Variants in PTCH1 observed in about 807,000 individuals in gnomAD.
PTCH1 encodes protein patched homolog 1.
A neutral mutation model predicts 144.6 loss-of-function variants in PTCH1; 14 were observed. The ratio of observed to expected loss-of-function variants is 0.10; its 90% confidence interval spans 0.06 to 0.15. The LOEUF is 0.15. PTCH1 is among the 10% of genes least tolerant of loss of function. The probability of loss-of-function intolerance (pLI) is 1.00; values close to 1 mark genes in which losing one functional copy is unlikely to be tolerated. For missense variants in PTCH1, 1,623 were observed against 1,948.3 expected (o/e 0.83, Z 3.14); for synonymous variants, 833 against 793.6 (o/e 1.05, Z -0.83).
Position 95,463,536 on chromosome 9 carries a change from G to A in PTCH1, c.2561-1538C>T, listed in dbSNP as rs748782074. The stretch of plus-strand genomic sequence containing the variant: ...TAAACAGCAGAAGAAAAATTACTGC[G>A]CCTCCTTTCCCCTCAAAAAGGGAGG... On this transcript the variant is annotated intron_variant, in intron 15 of 23. Transcript: ENST00000331920. Among the ~76,000 whole-genome samples the A allele has an allele frequency of 1.8e-4, 28 of 152,202 alleles. No individual in the cohort carries two copies. In the East Asian group the frequency reaches 2.9e-3, roughly 16 times the overall value.
intron 1 of PTCH1, chr9:95,507,327 G>GGGCTCAGGCC (rs1843760020): frequency 1.0e-6 from 1 of 985,514 alleles, no homozygotes; most frequent in East Asian, 1.1e-4. Context: ...GCAAAGGGAA[G>GGGCTCAGGCC]GGCTCAGGCC....
At chr9:95,480,121 G>T (rs777140985) in intron 6 of PTCH1, 31 bp from the exon 7 acceptor site, 1 of 1,613,326 alleles carries the variant, frequency 6.2e-7, no homozygotes, top group Admixed American at 1.7e-5. Context: ...CATAATTATG[G>T]GAATTAGTAG....
At chr9:95,501,577 T>C (rs1490008393) in intron 2 of PTCH1, among the ~76,000 whole-genome samples, 1 of 152,060 alleles carries the variant, frequency 6.6e-6, no homozygotes, top group Non-Finnish European at 1.5e-5. Flanking sequence ...CTTGCCTCCT[T>C]CTTCCTTGAC....
intron 3 of PTCH1, 142 bp from the exon 4 acceptor site, chr9:95,482,345 G>GT: frequency 1.3e-6 from 1 of 774,442 alleles, no homozygotes; most frequent in Non-Finnish European, 2.1e-6. Flanking sequence ...CTTTTGCCAA[G>GT]TAGAGACCCA....
intron 15 of PTCH1, among the ~76,000 whole-genome samples, chr9:95,462,773 G>A (rs938349438): frequency 6.6e-6 from 1 of 152,202 alleles, no homozygotes; most frequent in Non-Finnish European, 1.5e-5. Context: ...AAGCCGGGGA[G>A]GGGGAGGAAA....
At chr9:95,508,076 AGTGT>A (rs1397083477) in intron 1 of PTCH1, 81 bp downstream of exon 1, 16 of 1,586,200 alleles carry the variant, frequency 1.0e-5, no homozygotes, top group East Asian at 4.5e-5. Flanking sequence ...AGAGGAAGAG[AGTGT>A]GTGTGTTTGT....
rs1396426678 is a variant in PTCH1, at chr9:95,488,829, T to C, written c.395-2955A>G. 2.0e-5 allele frequency among the ~76,000 whole-genome samples: 3 copies of C among 152,182 alleles called. No individual in the cohort carries two copies. The East Asian group carries it at 5.8e-4, about 29-fold the overall frequency. ...AGGGGAAAAGATATTTCAAATGGGATAGCAGGGAAGACCTAAAGGGAAACA... is the reference window on the plus strand; with the variant it reads ...AGGGGAAAAGATATTTCAAATGGGACAGCAGGGAAGACCTAAAGGGAAACA... On this transcript the variant is annotated intron_variant, in intron 2 of 23. Coordinates refer to ENST00000331920, the MANE Select transcript of PTCH1 (RefSeq NM_000264.5).
upstream of PTCH1, among the ~76,000 whole-genome samples, chr9:95,512,831 ATAAG>A (rs1373070430): frequency 6.6e-6 from 1 of 152,250 alleles, no homozygotes; most frequent in East Asian, 1.9e-4. Flanking sequence ...CCAAATAAAA[ATAAG>A]TGAGAACTTG....
intron 2 of PTCH1, among the ~76,000 whole-genome samples, chr9:95,489,964 C>A (rs865813907): frequency 6.6e-6 from 1 of 150,950 alleles, no homozygotes; most frequent in Admixed American, 6.6e-5. Flanking sequence ...CCAGGCCTGG[C>A]TAATTTTTTT....
chr9:95,451,336 T>C (rs1838442081), intron 20 of PTCH1: 1 of 152,252 alleles, frequency 6.6e-6, no homozygotes, highest in Non-Finnish European at 1.5e-5. Flanking sequence ...ATATACAGTG[T>C]CTGCTCATTT....
chr9:95,485,982 C>A, intron 2 of PTCH1, 108 bp from the exon 3 acceptor site: 1 of 1,218,346 alleles, frequency 8.2e-7, no homozygotes, highest in South Asian at 1.2e-5. Context: ...GAACTCTAGT[C>A]ATGAGACTGG....
At chr9:95,469,197 G>C (rs746430065) in intron 13 of PTCH1, 44 bp from the exon 14 acceptor site, 10 of 1,611,474 alleles carry the variant, frequency 6.2e-6, no homozygotes, top group Non-Finnish European at 8.5e-6. Context: ...CTGAAACAGG[G>C]AAATGGTGCT....
rs45535032 is a variant in PTCH1 at position 95,447,085 on chromosome 9, G to A, written c.4171C>T (p.Arg1391Trp). Residue 1391 changes from arginine (R) to tryptophan (W), a missense_variant, in exon 23 of 24, where the codon CGG (arginine) becomes TGG (tryptophan). This residue lies in a region of PTCH1 where 291 missense variants were observed against 287.4 expected (regional missense o/e 1.01). Coordinates refer to ENST00000331920, the MANE Select transcript of PTCH1 (RefSeq NM_000264.5). The part of the protein sequence containing the change: ...VHPPPVPGPG[R>W]NPRGGLCPGY... Reference sequence around the variant, plus strand: ...GGGCAGAGTCCCCCTCGGGGGTTCCGCCCAGGCCCAGGGACAGGCGGCGGG... The same window carrying A: ...GGGCAGAGTCCCCCTCGGGGGTTCCACCCAGGCCCAGGGACAGGCGGCGGG... 146 of 1,613,870 alleles carry A rather than the reference G, an allele frequency of 9.0e-5. No homozygotes were observed. Among genetic ancestry groups the A allele is most frequent in the Non-Finnish European group, 1.1e-4 (134 of 1,180,014 alleles).
intron 2 of PTCH1, among the ~76,000 whole-genome samples, chr9:95,491,042 G>A (rs926118413): frequency 5.3e-5 from 8 of 152,050 alleles, no homozygotes; most frequent in South Asian, 2.1e-4. Context: ...ATAATCATAT[G>A]CATCTTCATC....
chr9:95,466,993 A>G (rs1262127560), intron 15 of PTCH1, 123 bp downstream of exon 15: 4 of 1,114,586 alleles, frequency 3.6e-6, no homozygotes, highest in Non-Finnish European at 5.2e-6. Context: ...GCAACTCTTA[A>G]AAGTCCATGA....
chr9:95,487,258 T>TA (rs1219448958), intron 2 of PTCH1, among the ~76,000 whole-genome samples: 1 of 152,190 alleles, frequency 6.6e-6, no homozygotes, highest in Non-Finnish European at 1.5e-5. Context: ...AGGTTTAACA[T>TA]ACTGCGTGTG....
intron 2 of PTCH1, among the ~76,000 whole-genome samples, chr9:95,486,926 A>T (rs1022679121): frequency 1.3e-5 from 2 of 152,156 alleles, no homozygotes; most frequent in African/African-American, 4.8e-5. Context: ...ATTGTTCCTA[A>T]AGTCATTGAT....
At chr9:95,478,800 C>T (rs1429223661) in intron 8 of PTCH1, among the ~76,000 whole-genome samples, 200 bp downstream of exon 8, 2 of 152,116 alleles carry the variant, frequency 1.3e-5, no homozygotes, top group African/African-American at 2.4e-5. Context: ...TCTCAGGGCA[C>T]CCCAATTAGA....
intron 5 of PTCH1, among the ~76,000 whole-genome samples, chr9:95,480,907 ATT>A (rs3215875): frequency 9.3e-5 from 14 of 150,310 alleles, no homozygotes; most frequent in East Asian, 1.9e-4. Context: ...CCAAAATTAA[ATT>A]TTTTTTTTTT....
Sources: allele counts gnomAD v4.1 joint callset (sites outside exome capture counted in the v4.1 genomes callset), GRCh38; gene constraint gnomAD v4.1.1; regional missense constraint gnomAD v4.1.1; transcripts MANE v1.5; gene names NCBI Gene and HGNC (gene_info 2026-07-23, HGNC 2026-07-21).